Variants in PDZD2 observed in about 807,000 individuals in gnomAD.
The protein encoded by PDZD2 is PDZ domain-containing protein 2.
In PDZD2, 90 loss-of-function variants were observed where a neutral mutation model predicts 220.7. That is an observed-to-expected ratio of 0.41 (90% confidence interval 0.34 to 0.49). The LOEUF (loss-of-function observed/expected upper bound fraction) is 0.49. PDZD2 is among the 20% of genes least tolerant of loss of function. The probability of loss-of-function intolerance (pLI) is 0.28; values close to 1 mark genes in which losing one functional copy is unlikely to be tolerated. For synonymous variants in PDZD2, 1,375 were observed against 1,450.5 expected (o/e 0.95, Z 1.18); for missense variants, 3,174 against 3,608.5 (o/e 0.88, Z 3.08).
intron 2 of PDZD2, among the ~76,000 whole-genome samples, chr5:31,875,615 A>T (rs1025289900): frequency 1.9e-4 from 28 of 147,668 alleles, no homozygotes; most frequent in African/African-American, 6.6e-4. Flanking sequence ...TATATATTTT[A>T]AAAATATATG....
chr5:31,873,046 TGAC>T (rs898895832), intron 2 of PDZD2, among the ~76,000 whole-genome samples: 18 of 152,268 alleles, frequency 1.2e-4, no homozygotes, highest in African/African-American at 2.2e-4. Context: ...GACAATTACT[TGAC>T]GACACATTTC....
At chr5:32,014,942 T>C (rs1174131333) in intron 6 of PDZD2, among the ~76,000 whole-genome samples, 10 of 135,656 alleles carry the variant, frequency 7.4e-5, no homozygotes, top group Admixed American at 2.9e-4. Context: ...TCTCTCTCTT[T>C]TTTTTTTTTT....
intron 2 of PDZD2, among the ~76,000 whole-genome samples, chr5:31,806,940 T>TG (rs1263212133): frequency 5.3e-5 from 8 of 151,186 alleles, no homozygotes; most frequent in Non-Finnish European, 8.9e-5. Flanking sequence ...TGTTTTTTTT[T>TG]TTTTTTTTTT....
chr5:31,974,112 C>G (rs923811571), intron 2 of PDZD2, among the ~76,000 whole-genome samples: 5 of 152,196 alleles, frequency 3.3e-5, no homozygotes, highest in Non-Finnish European at 5.9e-5. Context: ...TCCCAAGTAG[C>G]TGGGATTACA....
intron 3 of PDZD2, among the ~76,000 whole-genome samples, chr5:31,990,938 T>C (rs1751160618): frequency 6.6e-6 from 1 of 152,146 alleles, no homozygotes; most frequent in South Asian, 2.1e-4. Context: ...ATGTTTGAGC[T>C]GAGGATTGAG....
chr5:31,675,282 C>T (rs1247807615), intron 1 of PDZD2, among the ~76,000 whole-genome samples: 1 of 152,154 alleles, frequency 6.6e-6, no homozygotes, highest in Non-Finnish European at 1.5e-5. Flanking sequence ...GGCTCGTGGG[C>T]TCCTTCTCCC....
chr5:31,681,088 C>T (rs75008539), intron 1 of PDZD2, among the ~76,000 whole-genome samples: 11,673 of 152,094 alleles, frequency 0.077, 474 homozygotes, highest in African/African-American at 0.093. Flanking sequence ...TTGCTTTTTC[C>T]ATGAATGGAG....
intron 2 of PDZD2, among the ~76,000 whole-genome samples, chr5:31,903,625 T>TA (rs1742330999): frequency 2.4e-5 from 2 of 82,104 alleles, no homozygotes; most frequent in East Asian, 6.9e-4. Flanking sequence ...GCCTGTGCAA[T>TA]AAGAGTGAGA....
At chr5:32,003,715 T>A (rs1752582071) in intron 5 of PDZD2, among the ~76,000 whole-genome samples, 1 of 152,196 alleles carries the variant, frequency 6.6e-6, no homozygotes, top group African/African-American at 2.4e-5. Flanking sequence ...TTTTGTTTTT[T>A]GTTTTTGTTT....
intron 21 of PDZD2, among the ~76,000 whole-genome samples, chr5:32,095,048 G>C (rs1242830752): frequency 6.6e-6 from 1 of 152,184 alleles, no homozygotes; most frequent in African/African-American, 2.4e-5. Flanking sequence ...GGGGTCACAC[G>C]TTGCCAGGCC....
At chr5:31,784,776 A>G (rs568938899) in intron 1 of PDZD2, among the ~76,000 whole-genome samples, 240 of 152,192 alleles carry the variant, frequency 1.6e-3, no homozygotes, top group African/African-American at 5.6e-3. Context: ...GCGTGGTGGC[A>G]CATGCCTGTA....
chr5:31,643,961 G>T (rs2150102224), intron 1 of PDZD2, among the ~76,000 whole-genome samples: 1 of 151,942 alleles, frequency 6.6e-6, no homozygotes, highest in Non-Finnish European at 1.5e-5. Flanking sequence ...TGGGAAGCTG[G>T]GACTACAGAC....
At chr5:31,716,291 A>G (rs1461149120) in intron 1 of PDZD2, among the ~76,000 whole-genome samples, 1 of 152,162 alleles carries the variant, frequency 6.6e-6, no homozygotes, top group Non-Finnish European at 1.5e-5. Flanking sequence ...TTAATCAGGT[A>G]TGGTAAGAGA....
intron 1 of PDZD2, among the ~76,000 whole-genome samples, chr5:31,640,015 G>A (rs1744886676): frequency 6.6e-6 from 1 of 152,014 alleles, no homozygotes; most frequent in Non-Finnish European, 1.5e-5. Context: ...GGGGAACATA[G>A]TGATAGGGAA....
chr5:32,088,484 A>T lies in PDZD2; in HGVS notation c.5036A>T (p.His1679Leu), dbSNP rs1334308145. The T allele has an allele frequency of 1.2e-6, 2 of 1,614,112 alleles. No homozygotes were observed. Among genetic ancestry groups the T allele is most frequent in the East Asian group, 2.2e-5 (1 of 44,882 alleles). Residue 1679 changes from histidine to leucine, a missense_variant, in exon 20 of 25, where the codon CAT (histidine) becomes CTT (leucine). His to Leu is a moderately conservative substitution (Grantham distance 99). Coordinates refer to ENST00000438447, the MANE Select transcript of PDZD2 (RefSeq NM_178140.4). The surrounding 1 kb of genome is among the most constrained non-coding windows in gnomAD (Gnocchi z 4.6). The part of the protein sequence containing the change: ...LEMSSQEHET[H>L]ADISTSQNHR... ...ATGAGCTCTCAGGAGCATGAAACTC[A>T]TGCGGACATAAGCACTTCACAGAAC...
In PDZD2 at chr5:31,800,507, A is replaced by G. The variant is rs28711224; in HGVS notation, c.476+783A>G. ...CCTCCAGAGGTCAAACTAATGCCAC[A>G]TGACCCAAGTCTTCTACCATTAAGT... On this transcript the variant is annotated intron_variant, in intron 2 of 24. Coordinates refer to ENST00000438447, the MANE Select transcript of PDZD2 (RefSeq NM_178140.4). Among the ~76,000 whole-genome samples, 1,448 of 152,322 alleles carry G rather than the reference A, an allele frequency of 9.5e-3. 32 individuals carry two copies. Among genetic ancestry groups the G allele is most frequent in the African/African-American group, 0.033 (1,378 of 41,564 alleles).
chr5:31,844,733 CT>C (rs1207583935), intron 2 of PDZD2, among the ~76,000 whole-genome samples: 4 of 152,206 alleles, frequency 2.6e-5, no homozygotes, highest in Non-Finnish European at 2.9e-5. Context: ...GGAACAGTCT[CT>C]GGGATACTAT....
intron 1 of PDZD2, among the ~76,000 whole-genome samples, chr5:31,797,715 G>C (rs114429656): frequency 4.6e-5 from 7 of 152,288 alleles, no homozygotes; most frequent in Non-Finnish European, 1.5e-5. Context: ...TTAATAGCTG[G>C]CACTCAAGTT....
intron 6 of PDZD2, among the ~76,000 whole-genome samples, chr5:32,022,344 C>T (rs1179578681): frequency 6.8e-6 from 1 of 147,052 alleles, no homozygotes; most frequent in Non-Finnish European, 1.5e-5. Flanking sequence ...ACTACAGGCG[C>T]ACACCGCCAC....
Sources: gnomAD v4.1 joint callset for allele counts (sites outside exome capture counted in the v4.1 genomes callset) on GRCh38, gnomAD v4.1.1 for gene constraint, Gnocchi (gnomAD v3.1) non-coding constraint, MANE v1.5 for transcripts, NCBI Gene and HGNC (gene_info 2026-07-23, HGNC 2026-07-21) for gene names.